The following RHOBTB3 variants were observed in gnomAD, a reference collection of about 807,000 sequenced individuals.
RHOBTB3 encodes Rho related BTB domain containing 3.
Under a neutral mutation model 67.2 loss-of-function variants are expected in RHOBTB3, and 47 were observed. The observed-to-expected ratio is 0.70, with a 90% CI of 0.55 to 0.89. The LOEUF is 0.89. RHOBTB3 is among the 40% of genes least tolerant of loss of function. The pLI, the probability that RHOBTB3 is intolerant of heterozygous loss-of-function variation, is 0.00. For synonymous variants in RHOBTB3, 273 were observed against 274.2 expected (o/e 1.00, Z 0.04); for missense variants, 631 against 750.0 (o/e 0.84, Z 1.85).
intron 11 of RHOBTB3, among the ~76,000 whole-genome samples, chr5:95,792,029 A>C (rs1471671224): frequency 6.6e-6 from 1 of 152,230 alleles, no homozygotes; most frequent in East Asian, 1.9e-4. Flanking sequence ...AAACCTAGAG[A>C]ATGAACAAAG....
At chr5:95,730,860 G>C (rs1420191145), upstream of RHOBTB3, 1 of 455,452 alleles carries the variant, frequency 2.2e-6, no homozygotes, top group Non-Finnish European at 4.4e-6. Context: ...GAAAACAGCT[G>C]TAGCGCATGT....
intron 4 of RHOBTB3, among the ~76,000 whole-genome samples, chr5:95,749,979 G>A (rs1745042938): frequency 6.6e-6 from 1 of 152,208 alleles, no homozygotes; most frequent in Non-Finnish European, 1.5e-5. Flanking sequence ...GAGGATTGAT[G>A]TGGCCAAGGT....
At chr5:95,752,207 G>A (rs1414838964) in intron 4 of RHOBTB3, 32 bp from the exon 5 acceptor site, 2 of 1,286,196 alleles carry the variant, frequency 1.6e-6, no homozygotes, top group Non-Finnish European at 2.2e-6. Context: ...AGTTTTGTTG[G>A]ATCTTCAATT....
At chr5:95,771,692 T>C (rs767301000) in intron 8 of RHOBTB3, among the ~76,000 whole-genome samples, 1 of 152,184 alleles carries the variant, frequency 6.6e-6, no homozygotes. Context: ...AATTACTCAT[T>C]ATAGGTAGGA....
chr5:95,731,529 C>A lies in RHOBTB3; in HGVS notation c.-154C>A. On this transcript the variant is annotated 5_prime_UTR_variant, in exon 1 of 12. Transcript: ENST00000379982. Reference sequence around the variant, plus strand: ...GCTCGCTGGCTGGCGCGGCCCCGGCCCCGCTCTGCGTCGGCCCCGCCGCGG... The same window carrying A: ...GCTCGCTGGCTGGCGCGGCCCCGGCACCGCTCTGCGTCGGCCCCGCCGCGG... 8 of 1,349,832 alleles carry A rather than the reference C, an allele frequency of 5.9e-6. No homozygotes were observed. Among genetic ancestry groups the A allele is most frequent in the Non-Finnish European group, 7.6e-6 (8 of 1,055,416 alleles). The allele number at this position is 1,349,832 out of a possible 1,614,324, so 83.6% of individuals were successfully genotyped here.
At chr5:95,730,978 T>TA (rs1171911112), upstream of RHOBTB3, 2 of 557,990 alleles carry the variant, frequency 3.6e-6, no homozygotes, top group African/African-American at 3.9e-5. Context: ...CTAGCTTCCC[T>TA]AACCTCCTTT....
intron 10 of RHOBTB3, among the ~76,000 whole-genome samples, chr5:95,786,621 ATCT>A (rs1020174234): frequency 6.6e-6 from 1 of 152,178 alleles, no homozygotes; most frequent in South Asian, 2.1e-4. Context: ...ATTTTAATGC[ATCT>A]TCTTATTTAT....
chr5:95,766,103 GT>G (rs759226096), intron 7 of RHOBTB3, among the ~76,000 whole-genome samples: 56 of 152,044 alleles, frequency 3.7e-4, no homozygotes, highest in Non-Finnish European at 7.8e-4. Context: ...GTATGATCCT[GT>G]TTTGCCTCTC....
chr5:95,755,426 C>A lies in RHOBTB3; in HGVS notation c.713C>A (p.Ser238Ter). 1.3e-6 allele frequency: 2 copies of A among 1,578,796 alleles called. No individual in the cohort carries two copies. Among genetic ancestry groups the A allele is most frequent in the South Asian group, 2.4e-5 (2 of 83,142 alleles). The change falls in exon 6 of 12, where the codon TCA becomes TAA. Residue 238 changes from serine (S) to a stop codon, truncating the protein, a stop_gained. Transcript: ENST00000379982. LOFTEE classifies it high-confidence loss of function. Reference sequence around the variant, plus strand: ...ATGCCTGTCTTAAAGGCTGAAGCGTCACATTATAACTCTGACTTAAATAAC... The same window carrying A: ...ATGCCTGTCTTAAAGGCTGAAGCGTAACATTATAACTCTGACTTAAATAAC... Reference protein sequence around the residue: ...EKMPVLKAEASHYNSDLNNLL... With the variant: ...EKMPVLKAEA
rs1000960088 is a variant in RHOBTB3 at position 95,731,614 on chromosome 5, C to T, written c.-69C>T. The T allele has an allele frequency of 1.9e-6, 3 of 1,602,914 alleles. No individual in the cohort carries two copies. The highest frequency in any genetic ancestry group is 1.7e-5 in the Admixed American group (1 of 58,782). ...GCGGATTGCGGGTGAACTCGCCGCC[C>T]GGGGGCCCCGCGAAGCCGTGAGCCG... On this transcript the variant is annotated 5_prime_UTR_variant, in exon 1 of 12. Coordinates refer to ENST00000379982, the MANE Select transcript of RHOBTB3 (RefSeq NM_014899.4).
In RHOBTB3 at chr5:95,768,055, C is replaced by T; in HGVS notation, c.1171C>T (p.Leu391=). 6.2e-7 allele frequency: 1 copy of T among 1,612,922 alleles called. No individual in the cohort carries two copies. Among genetic ancestry groups the T allele is most frequent in the Non-Finnish European group, 8.5e-7 (1 of 1,179,270 alleles). Residue 391 remains leucine, a synonymous_variant, in exon 8 of 12, where the codon CTA becomes TTA. Coordinates refer to ENST00000379982, the MANE Select transcript of RHOBTB3 (RefSeq NM_014899.4). ...TTGTTTTCCCTTATAGATTAATTGC[C>T]TAAGGAATTGCAAAACCTATCAAGC... ...ILKTPGKINC[L]RNCKTYQARK...
chr5:95,720,915 C>A (rs10042821), intron 1 of RHOBTB3, among the ~76,000 whole-genome samples: 1 of 152,050 alleles, frequency 6.6e-6, no homozygotes, highest in East Asian at 1.9e-4. Flanking sequence ...CATATTTTAC[C>A]GAAGAAAAGG....
At chr5:95,790,831 C>T (rs1323316781) in intron 11 of RHOBTB3, among the ~76,000 whole-genome samples, 5 of 152,186 alleles carry the variant, frequency 3.3e-5, no homozygotes, top group African/African-American at 9.7e-5. Flanking sequence ...AGCCTGCCAA[C>T]GTGTTTTATT....
At position 95,769,768 on chromosome 5, in the gene RHOBTB3, T is replaced by TG. The variant is rs1488421722; in HGVS notation, c.1282+1603dup. 8.4e-5 allele frequency: 16 copies of TG among 189,662 alleles called. 1 individual carries two copies. The highest frequency in any genetic ancestry group is 1.5e-4 in the Non-Finnish European group (14 of 91,268). 11.7% of individuals were successfully genotyped at this position (189,662 alleles called of 1,614,324 possible). A position where few individuals can be genotyped will look rare whatever the true frequency, so the allele number is the denominator to read the frequency against. The stretch of plus-strand genomic sequence containing the variant: ...CATGAATTCAAGGATGCCTATGTTC[T>TG]GTTGAGTGAAACAGAAATGTCTAGT... On this transcript the variant is annotated intron_variant, in intron 8 of 11. Transcript: ENST00000379982.
At chr5:95,783,149 T>G (rs1746110772) in intron 9 of RHOBTB3, among the ~76,000 whole-genome samples, 1 of 151,522 alleles carries the variant, frequency 6.6e-6, no homozygotes. Flanking sequence ...TGAGATGGAG[T>G]ATTGCTCTAT....
chr5:95,736,630 T>TA (rs772637741), intron 2 of RHOBTB3, among the ~76,000 whole-genome samples: 27 of 152,284 alleles, frequency 1.8e-4, no homozygotes, highest in Non-Finnish European at 3.5e-4. Flanking sequence ...TAAGTGCAAA[T>TA]AGTGAAAGAG....
intron 10 of RHOBTB3, among the ~76,000 whole-genome samples, chr5:95,785,452 G>A (rs1455128771): frequency 1.3e-5 from 2 of 152,084 alleles, no homozygotes; most frequent in African/African-American, 4.8e-5. Flanking sequence ...AAATTAGCTG[G>A]GTATAGTGGC....
chr5:95,766,596 TAA>T (rs534051950), intron 7 of RHOBTB3, among the ~76,000 whole-genome samples: 13 of 115,810 alleles, frequency 1.1e-4, no homozygotes, highest in Admixed American at 3.5e-4. Flanking sequence ...GACTAAAATT[TAA>T]AAAAAAAAAA....
intron 8 of RHOBTB3, among the ~76,000 whole-genome samples, chr5:95,777,807 A>T (rs910410722): frequency 1.3e-5 from 2 of 152,232 alleles, no homozygotes; most frequent in Admixed American, 6.5e-5. Flanking sequence ...ACCTTGAAAT[A>T]GGCTTAAAAA....
Sources: allele counts gnomAD v4.1 joint callset (sites outside exome capture counted in the v4.1 genomes callset), GRCh38; gene constraint gnomAD v4.1.1; transcripts MANE v1.5; gene names NCBI Gene and HGNC (gene_info 2026-07-23, HGNC 2026-07-21).